Variants in SDHAF3 observed in about 807,000 individuals in gnomAD.
SDHAF3 encodes succinate dehydrogenase assembly factor 3, mitochondrial.
In SDHAF3, 18 loss-of-function variants were observed where a neutral mutation model predicts 11.5. The observed-to-expected ratio is 1.56, with a 90% CI of 1.08 to 2.32. The LOEUF is 2.32. Among genes scored for constraint, SDHAF3 ranks in the 30% most tolerant of loss-of-function variants. The pLI is 0.00. For missense variants in SDHAF3, 200 were observed against 154.4 expected (o/e 1.30, Z -1.57); for synonymous variants, 72 against 59.3 (o/e 1.21, Z -0.99).
At chr7:97,175,517 A>G (rs1383213707) in intron 1 of SDHAF3, among the ~76,000 whole-genome samples, 1 of 152,198 alleles carries the variant, frequency 6.6e-6, no homozygotes, top group Admixed American at 6.5e-5. Flanking sequence ...TTGGTTTACT[A>G]AAAACTAAGC....
intron 1 of SDHAF3, among the ~76,000 whole-genome samples, chr7:97,119,407 A>G (rs982667713): frequency 2.0e-5 from 3 of 152,216 alleles, no homozygotes; most frequent in Non-Finnish European, 4.4e-5. Flanking sequence ...AAAGAACTGC[A>G]TAAATAAAAA....
At chr7:97,118,141 A>G (rs959932985) in intron 1 of SDHAF3, among the ~76,000 whole-genome samples, 2 of 152,126 alleles carry the variant, frequency 1.3e-5, no homozygotes, top group South Asian at 2.1e-4. Flanking sequence ...CAGGTGCTCA[A>G]AGGGTGAGGG....
intron 1 of SDHAF3, among the ~76,000 whole-genome samples, chr7:97,143,665 C>CTGTGTG (rs3029495): frequency 0.011 from 1,562 of 148,040 alleles, 17 homozygotes; most frequent in African/African-American, 0.028. Flanking sequence ...TAGTGTTCCA[C>CTGTGTG]TGTGTGTGTG....
intron 1 of SDHAF3, among the ~76,000 whole-genome samples, chr7:97,123,157 C>A (rs563311641): frequency 1.3e-5 from 2 of 151,974 alleles, no homozygotes; most frequent in African/African-American, 2.4e-5. Context: ...CCCCCCACCC[C>A]CTGAAAGGCC....
intron 1 of SDHAF3, among the ~76,000 whole-genome samples, chr7:97,180,014 C>CA (rs1789746486): frequency 6.6e-6 from 1 of 152,162 alleles, no homozygotes; most frequent in Non-Finnish European, 1.5e-5. Context: ...AATACTTTGG[C>CA]ACTTTGTCTG....
At chr7:97,124,245 A>G (rs1791541792) in intron 1 of SDHAF3, among the ~76,000 whole-genome samples, 1 of 152,202 alleles carries the variant, frequency 6.6e-6, no homozygotes, top group African/African-American at 2.4e-5. Context: ...TTTATTAAAT[A>G]GGGAATCCTT....
chr7:97,160,987 T>C (rs569902914), intron 1 of SDHAF3, among the ~76,000 whole-genome samples: 1 of 152,138 alleles, frequency 6.6e-6, no homozygotes, highest in East Asian at 1.9e-4. Context: ...GGACTTAAAA[T>C]ATTTTTACTT....
At chr7:97,172,674 A>ACC (rs1789619231) in intron 1 of SDHAF3, among the ~76,000 whole-genome samples, 1 of 152,234 alleles carries the variant, frequency 6.6e-6, no homozygotes, top group Admixed American at 6.5e-5. Flanking sequence ...ACACAAAGTG[A>ACC]ATTATTAAAT....
At chr7:97,176,826 A>C (rs1789686948) in intron 1 of SDHAF3, among the ~76,000 whole-genome samples, 1 of 152,184 alleles carries the variant, frequency 6.6e-6, no homozygotes, top group African/African-American at 2.4e-5. Context: ...AAAGTTATGA[A>C]AATTTTCAAA....
intron 1 of SDHAF3, among the ~76,000 whole-genome samples, chr7:97,146,401 A>G (rs562566308): frequency 2.0e-5 from 3 of 152,318 alleles, no homozygotes; most frequent in Admixed American, 6.5e-5. Flanking sequence ...AGTTCTTTAT[A>G]ACTTCTCAAA....
intron 1 of SDHAF3, among the ~76,000 whole-genome samples, chr7:97,151,713 A>T (rs552775102): frequency 2.6e-5 from 4 of 151,994 alleles, no homozygotes; most frequent in Non-Finnish European, 4.4e-5. Flanking sequence ...GTTCACCAGG[A>T]TGGTCCCAAT....
chr7:97,159,265 C>T (rs946321857), intron 1 of SDHAF3, among the ~76,000 whole-genome samples: 2 of 152,170 alleles, frequency 1.3e-5, no homozygotes, highest in Non-Finnish European at 2.9e-5. Flanking sequence ...CTCCTCTAAG[C>T]AGTGATGCTA....
chr7:97,136,769 T>C (rs1339899860), intron 1 of SDHAF3, among the ~76,000 whole-genome samples: 1 of 152,202 alleles, frequency 6.6e-6, no homozygotes, highest in East Asian at 1.9e-4. Context: ...AAATATAATG[T>C]TTGTTCACTT....
In SDHAF3 at chr7:97,117,830, A is replaced by C; in HGVS notation, c.107A>C (p.Lys36Thr). ...AAATCCCTGGGCGACCAGTACGTGA[A>C]AGACGAATTTAGGAGACATAAGACC... The part of the protein sequence containing the change: ...DLKSLGDQYV[K>T]DEFRRHKTVG... The change falls in exon 1 of 2, where the codon AAA becomes ACA. Residue 36 changes from lysine (K) to threonine (T), a missense_variant. By Grantham distance (78) the Lys-to-Thr change is moderately conservative (BLOSUM62 -1). Coordinates refer to ENST00000432641, the MANE Select transcript of SDHAF3 (RefSeq NM_020186.3). 8 of 1,614,192 alleles carry C rather than the reference A, an allele frequency of 5.0e-6. No homozygotes were observed. Among genetic ancestry groups the C allele is most frequent in the Non-Finnish European group, 5.9e-6 (7 of 1,180,032 alleles).
At position 97,159,139 on chromosome 7, in the gene SDHAF3, G is replaced by C. The variant is rs974756044; in HGVS notation, c.175-21873G>C. Among the ~76,000 whole-genome samples the C allele has an allele frequency of 5.3e-5, 8 of 152,292 alleles. No individual in the cohort carries two copies. In the East Asian group the frequency reaches 1.5e-3, roughly 29 times the overall value. On this transcript the variant is annotated intron_variant, in intron 1 of 1. Transcript: ENST00000432641. ...TGTATTATTCACATAATTAGTGCCAGCCTCTATAACAAATAATTCCAAAGT... is the reference window on the plus strand; with the variant it reads ...TGTATTATTCACATAATTAGTGCCACCCTCTATAACAAATAATTCCAAAGT...
At chr7:97,134,347 G>T (rs1791715307) in intron 1 of SDHAF3, among the ~76,000 whole-genome samples, 1 of 152,104 alleles carries the variant, frequency 6.6e-6, no homozygotes, top group African/African-American at 2.4e-5. Context: ...GATAACTCTG[G>T]ATTACTGGTG....
At chr7:97,140,754 G>A (rs1458706769) in intron 1 of SDHAF3, among the ~76,000 whole-genome samples, 1 of 151,798 alleles carries the variant, frequency 6.6e-6, no homozygotes, top group Non-Finnish European at 1.5e-5. Context: ...GAGGATGTAT[G>A]TCGCCTCAGG....
rs551736093 is a variant in SDHAF3 at position 97,131,022 on chromosome 7, T to C, written c.174+13125T>C. Among the ~76,000 whole-genome samples the C allele has an allele frequency of 2.6e-4, 40 of 152,346 alleles. 1 individual carries two copies. The highest frequency in any genetic ancestry group is 8.7e-4 in the African/African-American group (36 of 41,584). On this transcript the variant is annotated intron_variant, in intron 1 of 1. Transcript: ENST00000432641. ...GTTTTTGGCTTGAAAGTCAGTTTCA[T>C]TGGACCTGCCCTTGTCTGCCTAGGA...
intron 1 of SDHAF3, among the ~76,000 whole-genome samples, chr7:97,168,294 G>A (rs1403561514): frequency 6.6e-6 from 1 of 152,190 alleles, no homozygotes; most frequent in African/African-American, 2.4e-5. Context: ...GGAGCAATTT[G>A]GGGGAGGGTC....
Sources: gnomAD v4.1 joint callset for allele counts (sites outside exome capture counted in the v4.1 genomes callset) on GRCh38, gnomAD v4.1.1 for gene constraint, MANE v1.5 for transcripts, NCBI Gene and HGNC (gene_info 2026-07-23, HGNC 2026-07-21) for gene names.